The following HERC2 variants were observed in gnomAD, a reference collection of about 807,000 sequenced individuals.
HERC2 encodes E3 ubiquitin-protein ligase HERC2.
A neutral mutation model predicts 537.7 loss-of-function variants in HERC2; 102 were observed. The observed-to-expected ratio is 0.19, with a 90% CI of 0.16 to 0.22. The LOEUF (loss-of-function observed/expected upper bound fraction) is 0.22. Ranked by LOEUF, HERC2 falls within the 10% of genes least tolerant of loss-of-function variation. The pLI is 1.00. For missense variants in HERC2, 4,236 were observed against 6,198.2 expected, an observed-to-expected ratio of 0.68 and a Z score of 10.63; for synonymous variants, 2,224 against 2,466.2, an observed-to-expected ratio of 0.90 and a Z score of 2.91.
chr15:28,295,646 C>T (rs939487012), intron 3 of HERC2, among the ~76,000 whole-genome samples: 11 of 152,104 alleles, frequency 7.2e-5, no homozygotes, highest in African/African-American at 2.4e-4. Flanking sequence ...GATCCGCCTG[C>T]CTCGGCCTCC....
At chr15:28,210,369 G>A (rs540914435) in intron 44 of HERC2, among the ~76,000 whole-genome samples, 2 of 152,214 alleles carry the variant, frequency 1.3e-5, no homozygotes, top group Middle Eastern at 3.4e-3. Context: ...TCCTGACCTC[G>A]TGATCCGCCG....
intron 4 of HERC2, among the ~76,000 whole-genome samples, chr15:28,291,909 GAAAAAAAAAAAA>G (rs67813649): frequency 7.9e-4 from 30 of 37,964 alleles, no homozygotes; most frequent in African/African-American, 1.9e-3. Flanking sequence ...CGTCTCAAAG[GAAAAAAAAAAAA>G]AAAAAAAAAA....
chr15:28,282,288 G>A (rs1226943474), intron 4 of HERC2, among the ~76,000 whole-genome samples: 1 of 152,180 alleles, frequency 6.6e-6, no homozygotes, highest in Non-Finnish European at 1.5e-5. Flanking sequence ...TATTGAGAAA[G>A]TCACTCATGA....
At chr15:28,280,725 T>C (rs1013699355) in intron 4 of HERC2, among the ~76,000 whole-genome samples, 1 of 151,908 alleles carries the variant, frequency 6.6e-6, no homozygotes, top group African/African-American at 2.4e-5. Context: ...GCCAACATGG[T>C]GAAACCCCTT....
chr15:28,228,704 A>G (rs1473768763), intron 34 of HERC2, among the ~76,000 whole-genome samples: 1 of 152,266 alleles, frequency 6.6e-6, no homozygotes, highest in East Asian at 1.9e-4. Context: ...GGGTTTCCAC[A>G]GAGTGGGCAG....
intron 38 of HERC2, 36 bp from the exon 39 acceptor site, chr15:28,215,838 T>C (rs1324308965): frequency 4.6e-6 from 6 of 1,296,506 alleles, no homozygotes; most frequent in Non-Finnish European, 6.6e-6. Context: ...TGGTAACAAG[T>C]CCCTAAAGAC....
chr15:28,211,603 TG>T, intron 43 of HERC2, among the ~76,000 whole-genome samples: 2 of 151,742 alleles, frequency 1.3e-5, no homozygotes, highest in East Asian at 3.9e-4. Context: ...ACAGAGAGCA[TG>T]GGGTGGGAAG....
Position 28,182,416 on chromosome 15 carries a change from C to T in HERC2, c.8922G>A (p.Gly2974=). The T allele has an allele frequency of 1.2e-6, 2 of 1,613,430 alleles. No individual in the cohort carries two copies. The highest frequency in any genetic ancestry group is 8.5e-7 in the Non-Finnish European group (1 of 1,179,716). ...WGLNDKDQLG[G]LKGSKIKVPS... ...CAGGCCGTACCTTGGAGCCTTTCAG[C>T]CCGCCCAGCTGGTCCTTGTCATTCA... Residue 2974 remains glycine, a synonymous_variant, in exon 57 of 93, where the codon GGG becomes GGA. Coordinates refer to ENST00000261609, the MANE Select transcript of HERC2 (RefSeq NM_004667.6).
chr15:28,175,251 C>T (rs1375177020), intron 64 of HERC2, among the ~76,000 whole-genome samples: 3 of 152,036 alleles, frequency 2.0e-5, no homozygotes, highest in East Asian at 1.9e-4. Flanking sequence ...TCAAGAATAA[C>T]AGTCTTTCCA....
chr15:28,292,299 A>G (rs2076339314), intron 4 of HERC2, among the ~76,000 whole-genome samples: 1 of 152,104 alleles, frequency 6.6e-6, no homozygotes, highest in African/African-American at 2.4e-5. Context: ...AATGTATACA[A>G]ATGGTCAATA....
chr15:28,181,149 G>A (rs1417498774), intron 57 of HERC2, among the ~76,000 whole-genome samples: 1 of 152,126 alleles, frequency 6.6e-6, no homozygotes, highest in East Asian at 1.9e-4. Flanking sequence ...AAAATTCCTA[G>A]GGCCCTTTGT....
In HERC2 at chr15:28,143,927, C is replaced by A. The variant is rs757999942; in HGVS notation, c.11364G>T (p.Gln3788His). 8.1e-6 allele frequency: 13 copies of A among 1,614,144 alleles called. No homozygotes were observed. In the South Asian group the frequency reaches 1.4e-4, roughly 18 times the overall value. Residue 3788 changes from glutamine to histidine, a missense_variant, in exon 74 of 93, where the codon CAG becomes CAT. Gln to His is a conservative substitution (Grantham distance 24). Coordinates refer to ENST00000261609, the MANE Select transcript of HERC2 (RefSeq NM_004667.6). ...LRKLLTTEFG[Q>H]SININRLLGE... ...CAAGCAGCCTATTTATGTTAATTGA[C>A]TGCCCAAATTCAGTTGTAAGCAGCT...
intron 71 of HERC2, among the ~76,000 whole-genome samples, chr15:28,145,327 T>C (rs1566940559): frequency 6.6e-6 from 1 of 152,198 alleles, no homozygotes; most frequent in Non-Finnish European, 1.5e-5. Context: ...GGTGGTGTAC[T>C]ACACCTAAGA....
At chr15:28,188,150 G>C (rs1896495038) in intron 55 of HERC2, among the ~76,000 whole-genome samples, 1 of 152,006 alleles carries the variant, frequency 6.6e-6, no homozygotes, top group South Asian at 2.1e-4. Context: ...CTTAAGTGTA[G>C]TGTAGAATGC....
chr15:28,299,578 AATG>A, intron 2 of HERC2, 62 bp from the exon 3 acceptor site: 1 of 843,450 alleles, frequency 1.2e-6, no homozygotes, highest in Non-Finnish European at 2.0e-6. Flanking sequence ...ATTTTTAAAG[AATG>A]ATATGGGAAA....
In HERC2 at chr15:28,135,697, G is replaced by T. The variant is rs561805511; in HGVS notation, c.12016-5C>A. On this transcript the variant is annotated splice_region_variant and splice_polypyrimidine_tract_variant and intron_variant, in intron 78 of 92. Transcript: ENST00000261609. The stretch of plus-strand genomic sequence containing the variant: ...ACCATACCCAGTGGCATACAGCTAA[G>T]AAAAGAAAAAGCAATAGTAACATCA... 1.0e-4 allele frequency: 162 copies of T among 1,609,298 alleles called. 1 individual carries two copies. In the East Asian group the frequency reaches 3.4e-3, roughly 34 times the overall value.
chr15:28,315,680 A>G, intron 2 of HERC2: 4 of 762,552 alleles, frequency 5.2e-6, no homozygotes, highest in Non-Finnish European at 9.0e-6. Flanking sequence ...ATTTTCTTGG[A>G]AACCTCTGCG....
At chr15:28,154,357 G>C (rs1892769612) in intron 69 of HERC2, among the ~76,000 whole-genome samples, 1 of 151,924 alleles carries the variant, frequency 6.6e-6, no homozygotes, top group Non-Finnish European at 1.5e-5. Context: ...CTCTCTTTTT[G>C]AGTCCCAAAT....
intron 56 of HERC2, among the ~76,000 whole-genome samples, chr15:28,183,774 AG>A (rs1896041168): frequency 6.6e-6 from 1 of 152,214 alleles, no homozygotes; most frequent in Non-Finnish European, 1.5e-5. Context: ...ATTTACTTTA[AG>A]GGTTCAAAAT....
Sources: gnomAD v4.1 joint callset for allele counts (sites outside exome capture counted in the v4.1 genomes callset) on GRCh38, gnomAD v4.1.1 for gene constraint, MANE v1.5 for transcripts, NCBI Gene and HGNC (gene_info 2026-07-23, HGNC 2026-07-21) for gene names.